PDZRN4: variants seen among roughly 807,000 people sequenced by gnomAD.
The protein encoded by PDZRN4 is PDZ domain-containing RING finger protein 4.
PDZRN4 carries 70 observed loss-of-function variants against 99.0 expected under a neutral mutation model. The observed-to-expected ratio is 0.71, with a 90% CI of 0.58 to 0.86. The LOEUF is 0.86. PDZRN4 is among the 40% of genes least tolerant of loss of function. PDZRN4 has a pLI of 0.00. For missense variants in PDZRN4, 1,474 were observed against 1,331.2 expected, an observed-to-expected ratio of 1.11 and a Z score of -1.67; for synonymous variants, 551 against 501.6, an observed-to-expected ratio of 1.10 and a Z score of -1.32.
At chr12:41,525,741 T>C (rs946199606) in intron 5 of PDZRN4, among the ~76,000 whole-genome samples, 1 of 152,064 alleles carries the variant, frequency 6.6e-6, no homozygotes, top group African/African-American at 2.4e-5. Context: ...TTGTGGATGA[T>C]AGGGTCCGAG....
intron 3 of PDZRN4, among the ~76,000 whole-genome samples, chr12:41,362,590 T>C (rs1389333020): frequency 6.6e-6 from 1 of 152,108 alleles, no homozygotes; most frequent in Non-Finnish European, 1.5e-5. Flanking sequence ...GTTTAGCATA[T>C]ATCTATCTTC....
chr12:41,477,003 A>G (rs1474626262), intron 3 of PDZRN4, among the ~76,000 whole-genome samples: 1 of 152,192 alleles, frequency 6.6e-6, no homozygotes, highest in East Asian at 1.9e-4. Flanking sequence ...TGAATATACA[A>G]AAGTCATTTT....
chr12:41,543,232 T>C (rs1938890640), intron 5 of PDZRN4, among the ~76,000 whole-genome samples: 1 of 152,206 alleles, frequency 6.6e-6, no homozygotes, highest in Non-Finnish European at 1.5e-5. Context: ...GTGAATTCTT[T>C]ATGTGCTTAA....
intron 5 of PDZRN4, among the ~76,000 whole-genome samples, chr12:41,538,508 A>T (rs576749614): frequency 2.5e-4 from 38 of 152,292 alleles, no homozygotes; most frequent in African/African-American, 8.4e-4. Context: ...TTTTGCATGT[A>T]GCTACTAAAC....
At chr12:41,316,456 A>ATGTG (rs71081722) in intron 3 of PDZRN4, among the ~76,000 whole-genome samples, 15,833 of 144,382 alleles carry the variant, frequency 0.11, 869 homozygotes, top group African/African-American at 0.13. Flanking sequence ...AAAAAGGCAA[A>ATGTG]TGTGTGTGTG....
intron 3 of PDZRN4, among the ~76,000 whole-genome samples, chr12:41,446,116 C>CA (rs1478989944): frequency 3.9e-5 from 6 of 152,090 alleles, no homozygotes; most frequent in Non-Finnish European, 8.8e-5. Flanking sequence ...CGACATGTAA[C>CA]ATCTAATTGC....
At position 41,188,438 on chromosome 12, in the gene PDZRN4, T is replaced by C; in HGVS notation, c.-18T>C. On this transcript the variant is annotated 5_prime_UTR_variant, in exon 1 of 10. Transcript: ENST00000402685. ...GACGGACTCTGCTTTCGCTCCCCCT[T>C]TCTTCCCCATCCCTAACATGGGCTT... 6.4e-7 allele frequency: 1 copy of C among 1,558,892 alleles called. No homozygotes were observed. Among genetic ancestry groups the C allele is most frequent in the Non-Finnish European group, 8.6e-7 (1 of 1,158,836 alleles).
At chr12:41,222,960 G>A (rs1950968213) in intron 3 of PDZRN4, among the ~76,000 whole-genome samples, 1 of 152,078 alleles carries the variant, frequency 6.6e-6, no homozygotes, top group African/African-American at 2.4e-5. Context: ...CTCATTTTTA[G>A]TAGCTTATGT....
At chr12:41,363,255 T>C (rs1315499621) in intron 3 of PDZRN4, among the ~76,000 whole-genome samples, 1 of 152,106 alleles carries the variant, frequency 6.6e-6, no homozygotes, top group Non-Finnish European at 1.5e-5. Context: ...TATTACCCCC[T>C]CATGACTGAA....
At chr12:41,261,512 T>C (rs1180335002) in intron 3 of PDZRN4, among the ~76,000 whole-genome samples, 1 of 152,192 alleles carries the variant, frequency 6.6e-6, no homozygotes, top group Non-Finnish European at 1.5e-5. Flanking sequence ...TTTTTTGAGA[T>C]GGAGTCTCGC....
intron 3 of PDZRN4, among the ~76,000 whole-genome samples, chr12:41,383,644 T>A (rs1281461782): frequency 6.6e-6 from 1 of 152,242 alleles, no homozygotes; most frequent in Non-Finnish European, 1.5e-5. Flanking sequence ...TAATGTTTGC[T>A]ATTACTTTGT....
chr12:41,410,266 A>C (rs1047727864), intron 3 of PDZRN4, among the ~76,000 whole-genome samples: 4 of 152,222 alleles, frequency 2.6e-5, no homozygotes, highest in Non-Finnish European at 4.4e-5. Flanking sequence ...GTATTTGCTT[A>C]GAAATCATAA....
chr12:41,377,881 G>C (rs1433081351), intron 3 of PDZRN4, among the ~76,000 whole-genome samples: 1 of 151,962 alleles, frequency 6.6e-6, no homozygotes, highest in African/African-American at 2.4e-5. Flanking sequence ...AGAGTTTTTT[G>C]GTGGAATCTT....
chr12:41,375,572 A>C (rs564250150), intron 3 of PDZRN4, among the ~76,000 whole-genome samples: 1 of 152,182 alleles, frequency 6.6e-6, no homozygotes, highest in South Asian at 2.1e-4. Context: ...AGAAGTTAAC[A>C]AACATTCTTT....
intron 3 of PDZRN4, chr12:41,459,926 G>A: frequency 1.6e-6 from 2 of 1,260,222 alleles, no homozygotes. Context: ...TTTGACTGAA[G>A]GAGAAAAAAT....
rs554176436 is a variant in PDZRN4, at chr12:41,307,902, C to A, written c.843+113714C>A. Among the ~76,000 whole-genome samples, 13 of 151,852 alleles carry A rather than the reference C, an allele frequency of 8.6e-5. 1 individual carries two copies. In the South Asian group the frequency reaches 2.5e-3, roughly 29 times the overall value. Reference sequence around the variant, plus strand: ...CTGTGAGATTATTGCTGTTATATTGCCCACTTTATATATGGAACAAAAAAA... The same window carrying A: ...CTGTGAGATTATTGCTGTTATATTGACCACTTTATATATGGAACAAAAAAA... On this transcript the variant is annotated intron_variant, in intron 3 of 9. Transcript: ENST00000402685.
chr12:41,407,205 T>C (rs1370993639), intron 3 of PDZRN4, among the ~76,000 whole-genome samples: 1 of 152,220 alleles, frequency 6.6e-6, no homozygotes, highest in Non-Finnish European at 1.5e-5. Context: ...AATACTGACC[T>C]ATAATATCTC....
chr12:41,417,487 C>A (rs1952454667), intron 3 of PDZRN4, among the ~76,000 whole-genome samples: 1 of 152,188 alleles, frequency 6.6e-6, no homozygotes, highest in African/African-American at 2.4e-5. Flanking sequence ...ATTCAGTCAT[C>A]CATCAGTACT....
At chr12:41,432,950 T>G (rs1952597473) in intron 3 of PDZRN4, among the ~76,000 whole-genome samples, 1 of 152,164 alleles carries the variant, frequency 6.6e-6, no homozygotes, top group Non-Finnish European at 1.5e-5. Flanking sequence ...GAATTCAGGA[T>G]TTAAAACTTT....
Sources: allele counts gnomAD v4.1 joint callset (sites outside exome capture counted in the v4.1 genomes callset), GRCh38; gene constraint gnomAD v4.1.1; transcripts MANE v1.5; gene names NCBI Gene and HGNC (gene_info 2026-07-23, HGNC 2026-07-21).